Variants in NPAT observed in about 807,000 individuals in gnomAD.
The protein encoded by NPAT is nuclear protein, coactivator of histone transcription.
In NPAT, 52 loss-of-function variants were observed where a neutral mutation model predicts 130.7. The observed-to-expected ratio is 0.40, with a 90% CI of 0.32 to 0.50. The LOEUF is 0.50. NPAT is among the 20% of genes least tolerant of loss of function. The pLI, the probability that NPAT is intolerant of heterozygous loss-of-function variation, is 0.68. For synonymous variants in NPAT, 580 were observed against 584.8 expected (o/e 0.99, Z 0.12); for missense variants, 1,687 against 1,662.6 (o/e 1.01, Z -0.26).
intron 1 of NPAT, among the ~76,000 whole-genome samples, chr11:108,205,466 A>G (rs938472673): frequency 2.0e-5 from 3 of 152,142 alleles, no homozygotes; most frequent in African/African-American, 7.2e-5. Context: ...GTGTCTCACT[A>G]TATGTTGCCT....
chr11:108,182,158 A>C (rs1044459727), intron 10 of NPAT, among the ~76,000 whole-genome samples: 9 of 152,150 alleles, frequency 5.9e-5, no homozygotes, highest in African/African-American at 2.2e-4. Flanking sequence ...CCAGATTCTT[A>C]AAGGGCAGCA....
intron 1 of NPAT, among the ~76,000 whole-genome samples, chr11:108,210,298 A>G (rs886879633): frequency 6.6e-6 from 1 of 152,132 alleles, no homozygotes; most frequent in Admixed American, 6.5e-5. Context: ...GTAATCCCCA[A>G]TGTTGGAGGT....
chr11:108,195,547 TTTG>T (rs769564132), intron 2 of NPAT, among the ~76,000 whole-genome samples: 180 of 152,356 alleles, frequency 1.2e-3, no homozygotes, highest in Non-Finnish European at 2.4e-3. Flanking sequence ...TTGTTTGGTT[TTTG>T]TTGTTAAGTT....
In NPAT at chr11:108,173,295, ATTAATT is replaced by A. The variant is rs762750517; in HGVS notation, c.1683_1688del (p.Lys561_Ile562del). 2 of 1,612,040 alleles carry A rather than the reference ATTAATT, an allele frequency of 1.2e-6. No homozygotes were observed. Among genetic ancestry groups the A allele is most frequent in the Admixed American group, 1.7e-5 (1 of 59,922 alleles). On this transcript the variant is annotated inframe_deletion, in exon 13 of 18. Transcript: ENST00000278612. Reference sequence around the variant, plus strand: ...AATCTGATGACTTGGAACCATGAAAATTAATTTTAAGTTTTACTGTATCATTAGAAT... The same window carrying A: ...AATCTGATGACTTGGAACCATGAAAATTAAGTTTTACTGTATCATTAGAAT...
chr11:108,176,412 A>C (rs936153676), intron 11 of NPAT, 38 bp from the exon 12 acceptor site: 17 of 1,420,822 alleles, frequency 1.2e-5, no homozygotes, highest in East Asian at 4.6e-5. Context: ...TAAATGACCA[A>C]AACAAAAAAT....
In NPAT at chr11:108,173,303, T is replaced by C; in HGVS notation, c.1681A>G (p.Lys561Glu). ...GACTTGGAACCATGAAAATTAATTT[T>C]AAGTTTTACTGTATCATTAGAATTT... Reference protein sequence around the residue: ...CENSNDTVKLKINFHGSKSSD... With the variant: ...CENSNDTVKLEINFHGSKSSD... The change falls in exon 13 of 18, where the codon AAA becomes GAA. Residue 561 changes from lysine to glutamate, a missense_variant. Around this residue, in one of 3 missense-constraint regions of NPAT, gnomAD observed 1,379 missense variants for 1,346.6 expected, o/e 1.02. Coordinates refer to ENST00000278612, the MANE Select transcript of NPAT (RefSeq NM_002519.3). 1.2e-6 allele frequency: 2 copies of C among 1,611,780 alleles called. No homozygotes were observed. Among genetic ancestry groups the C allele is most frequent in the Non-Finnish European group, 1.7e-6 (2 of 1,178,462 alleles).
At chr11:108,185,677 T>C (rs1273719158) in intron 8 of NPAT, among the ~76,000 whole-genome samples, 183 bp from the exon 9 acceptor site, 2 of 152,172 alleles carry the variant, frequency 1.3e-5, no homozygotes, top group Admixed American at 1.3e-4. Flanking sequence ...TTTGCAAATG[T>C]TTTCACAGAT....
chr11:108,176,931 T>TC, intron 11 of NPAT, 63 bp downstream of exon 11: 1 of 1,051,732 alleles, frequency 9.5e-7, no homozygotes, highest in East Asian at 2.4e-5. Context: ...TTCACTCTGG[T>TC]TAAGTTACCA....
At chr11:108,198,960 T>A (rs2078249426) in intron 1 of NPAT, among the ~76,000 whole-genome samples, 1 of 152,234 alleles carries the variant, frequency 6.6e-6, no homozygotes, top group Non-Finnish European at 1.5e-5. Flanking sequence ...ATTGTAGCCC[T>A]TCAGCCCTCC....
At chr11:108,201,729 C>A (rs1305107110) in intron 1 of NPAT, among the ~76,000 whole-genome samples, 3 of 152,202 alleles carry the variant, frequency 2.0e-5, no homozygotes, top group African/African-American at 7.2e-5. Flanking sequence ...TAAGGGGAGG[C>A]TCTGGGTAGT....
chr11:108,220,987 C>A (rs1217937082), intron 1 of NPAT, among the ~76,000 whole-genome samples: 2 of 152,236 alleles, frequency 1.3e-5, no homozygotes, highest in East Asian at 1.9e-4. Flanking sequence ...CCATGGCTGG[C>A]GTTTTTTGTC....
At chr11:108,213,324 G>A (rs531838582) in intron 1 of NPAT, among the ~76,000 whole-genome samples, 7 of 152,178 alleles carry the variant, frequency 4.6e-5, no homozygotes, top group South Asian at 2.1e-4. Flanking sequence ...AAATGACTTC[G>A]ACAAGGTTGC....
Position 108,188,154 on chromosome 11 carries a change from A to C in NPAT, c.582T>G (p.Pro194=). ...VTTGEALNVI[P]GAQEKKAHAS... is the part of the protein sequence containing the mutation. ...CATGTGCTTTCTTTTCCTGAGCACC[A>C]GGAATGACATTTAAAGCTTCTCCAG... is the stretch of plus-strand genomic sequence containing the variant. The change falls in exon 7 of 18, where the codon CCT becomes CCG. Residue 194 remains proline, a synonymous_variant. Transcript: ENST00000278612. 1 of 1,613,676 alleles carries C rather than the reference A, an allele frequency of 6.2e-7. No individual in the cohort carries two copies. The highest frequency in any genetic ancestry group is 8.5e-7 in the Non-Finnish European group (1 of 1,179,784).
At chr11:108,207,609 G>A (rs1057384612) in intron 1 of NPAT, among the ~76,000 whole-genome samples, 1 of 152,252 alleles carries the variant, frequency 6.6e-6, no homozygotes, top group Admixed American at 6.5e-5. Context: ...ACCCAGCCAG[G>A]TCCCGACAGC....
chr11:108,169,902 C>T, intron 14 of NPAT, 26 bp downstream of exon 14: 1 of 1,608,492 alleles, frequency 6.2e-7, no homozygotes, highest in Non-Finnish European at 8.5e-7. Context: ...AGCATCACCA[C>T]ACCATTTTCA....
chr11:108,214,631 ATTTTTT>A (rs575646719), intron 1 of NPAT, among the ~76,000 whole-genome samples: 1 of 140,394 alleles, frequency 7.1e-6, no homozygotes. Flanking sequence ...TATGATTCCA[ATTTTTT>A]TTTTTTTTTT....
At chr11:108,214,954 T>C (rs1245147562) in intron 1 of NPAT, among the ~76,000 whole-genome samples, 1 of 152,184 alleles carries the variant, frequency 6.6e-6, no homozygotes, top group Non-Finnish European at 1.5e-5. Context: ...ATTTTTAATG[T>C]GTCGTATGAG....
chr11:108,192,910 C>T (rs1405341919), intron 3 of NPAT, among the ~76,000 whole-genome samples: 1 of 151,764 alleles, frequency 6.6e-6, no homozygotes, highest in Non-Finnish European at 1.5e-5. Flanking sequence ...GCCGAGATCG[C>T]GCCATTGCAC....
intron 17 of NPAT, among the ~76,000 whole-genome samples, chr11:108,160,560 A>G (rs2077836552): frequency 9.0e-6 from 1 of 111,174 alleles, no homozygotes; most frequent in African/African-American, 2.6e-5. Context: ...AAGAAAGAAA[A>G]ACTTTTTCTT....
Sources: allele counts gnomAD v4.1 joint callset (sites outside exome capture counted in the v4.1 genomes callset), GRCh38; gene constraint gnomAD v4.1.1; regional missense constraint gnomAD v4.1.1; transcripts MANE v1.5; gene names NCBI Gene and HGNC (gene_info 2026-07-23, HGNC 2026-07-21).